The following ATOX1 variants were observed in gnomAD, a reference collection of about 807,000 sequenced individuals.
ATOX1 encodes the protein copper transport protein ATOX1.
ATOX1 carries 4 observed loss-of-function variants against 7.3 expected under a neutral mutation model. That is an observed-to-expected ratio of 0.55 (90% CI 0.27 to 1.25). The LOEUF is 1.25. Among genes scored for constraint, ATOX1 ranks in the 50% most tolerant of loss-of-function variants. The pLI is 0.12. For synonymous variants in ATOX1, 25 were observed against 28.7 expected, an observed-to-expected ratio of 0.87 and a Z score of 0.41; for missense variants, 68 against 81.6, an observed-to-expected ratio of 0.83 and a Z score of 0.64.
chr5:151,754,980 CAAAAAAAAAAA>C (rs79359321), intron 1 of ATOX1, among the ~76,000 whole-genome samples: 9 of 48,880 alleles, frequency 1.8e-4, no homozygotes, highest in East Asian at 5.5e-4. Flanking sequence ...AGACACCGTC[CAAAAAAAAAAA>C]AAAAAAAAAA....
intron 2 of ATOX1, among the ~76,000 whole-genome samples, chr5:151,747,660 C>T (rs1008335857): frequency 1.3e-5 from 2 of 151,864 alleles, no homozygotes; most frequent in South Asian, 4.2e-4. Context: ...AATCTCAGCT[C>T]ATTGTAGCCT....
chr5:151,746,153 G>C, intron 3 of ATOX1, 126 bp downstream of exon 3: 1 of 773,712 alleles, frequency 1.3e-6, no homozygotes, highest in Non-Finnish European at 2.0e-6. Context: ...AAAGAAGGTG[G>C]ACAGTGGATT....
intron 3 of ATOX1, chr5:151,745,556 C>T (rs2113175212): frequency 6.6e-6 from 1 of 152,366 alleles, no homozygotes; most frequent in East Asian, 1.9e-4. Context: ...GTGCCCCTTA[C>T]TGCATCACTG....
At chr5:151,746,152 G>T in intron 3 of ATOX1, 127 bp downstream of exon 3, 1 of 764,730 alleles carries the variant, frequency 1.3e-6, no homozygotes, top group Non-Finnish European at 2.0e-6. Flanking sequence ...CAAAGAAGGT[G>T]GACAGTGGAT....
At chr5:151,753,958 T>C (rs1212523621) in intron 1 of ATOX1, 1 of 152,234 alleles carries the variant, frequency 6.6e-6, no homozygotes, top group Non-Finnish European at 1.5e-5. Flanking sequence ...TGTTTGACCT[T>C]TGTGACTAGT....
At chr5:151,749,294 T>C (rs1329967755) in intron 2 of ATOX1, among the ~76,000 whole-genome samples, 1 of 152,126 alleles carries the variant, frequency 6.6e-6, no homozygotes, top group Non-Finnish European at 1.5e-5. Flanking sequence ...GAGACCAGCC[T>C]GGCCAAGATA....
At chr5:151,748,445 C>G (rs973912825) in intron 2 of ATOX1, among the ~76,000 whole-genome samples, 1 of 152,082 alleles carries the variant, frequency 6.6e-6, no homozygotes, top group African/African-American at 2.4e-5. Context: ...CTTTTAGGGC[C>G]ATAAGCAACT....
chr5:151,758,056 A>G (rs972383638), intron 1 of ATOX1, among the ~76,000 whole-genome samples: 6 of 152,222 alleles, frequency 3.9e-5, no homozygotes, highest in South Asian at 4.1e-4. Flanking sequence ...AAAGTAGGCC[A>G]GAGTGGGCAG....
At chr5:151,747,578 C>A (rs898126098) in intron 2 of ATOX1, among the ~76,000 whole-genome samples, 1 of 150,292 alleles carries the variant, frequency 6.7e-6, no homozygotes, top group Non-Finnish European at 1.5e-5. Flanking sequence ...AGCCACTGCA[C>A]CCGGTCCATT....
chr5:151,747,235 A>G (rs1453109997), intron 2 of ATOX1, among the ~76,000 whole-genome samples: 3 of 152,098 alleles, frequency 2.0e-5, no homozygotes, highest in East Asian at 1.9e-4. Flanking sequence ...GCATCACACT[A>G]TATAAACAGG....
Position 151,746,294 on chromosome 5 carries a change from C to T in ATOX1, c.*31G>A, listed in dbSNP as rs752687422. ...CCTTACCCACCTGCCCCCTTTGGTC[C>T]ATCCTGTGGGCTGTGGGGACCAGGC... On this transcript the variant is annotated 3_prime_UTR_variant, in exon 3 of 4. Transcript: ENST00000313115. 1 of 1,611,020 alleles carries T rather than the reference C, an allele frequency of 6.2e-7. No individual in the cohort carries two copies. The highest frequency in any genetic ancestry group is 8.5e-7 in the Non-Finnish European group (1 of 1,178,830).
chr5:151,753,587 C>T (rs1761977677), intron 1 of ATOX1, among the ~76,000 whole-genome samples: 1 of 152,188 alleles, frequency 6.6e-6, no homozygotes, highest in Admixed American at 6.5e-5. Flanking sequence ...TAGAAAACCA[C>T]AGGCAAAATC....
chr5:151,758,596 G>T lies in ATOX1; in HGVS notation c.-45C>A. 1 of 1,392,726 alleles carries T rather than the reference G, an allele frequency of 7.2e-7. No homozygotes were observed. Among genetic ancestry groups the T allele is most frequent in the Non-Finnish European group, 9.4e-7 (1 of 1,066,416 alleles). 86.3% of individuals were successfully genotyped at this position (1,392,726 alleles called of 1,614,324 possible). ...TGGCGGCGGTGTGGCGGCGGTGTCA[G>T]CAGCGCCTCTCTGGATTCGGAGGGC... On this transcript the variant is annotated 5_prime_UTR_variant, in exon 1 of 4. In the 5' UTR this introduces an upstream ATG that the reference lacks. Coordinates refer to ENST00000313115, the MANE Select transcript of ATOX1 (RefSeq NM_004045.4).
intron 1 of ATOX1, among the ~76,000 whole-genome samples, chr5:151,758,255 C>T (rs1243418438): frequency 2.0e-5 from 3 of 152,248 alleles, no homozygotes; most frequent in African/African-American, 7.2e-5. Flanking sequence ...CCATCCCCTG[C>T]CCCCTCTCTG....
chr5:151,747,714 G>A (rs528254720), intron 2 of ATOX1, among the ~76,000 whole-genome samples: 6 of 152,022 alleles, frequency 3.9e-5, no homozygotes, highest in African/African-American at 7.2e-5. Context: ...CCAGCCTCCC[G>A]AGTGGCTGGG....
rs1193138130 is a variant in ATOX1, at chr5:151,746,371, G to A, written c.161C>T (p.Thr54Ile). The change falls in exon 3 of 4, where the codon ACC (threonine) becomes ATC (isoleucine). Residue 54 changes from threonine to isoleucine, a missense_variant. Thr to Ile is a moderately conservative substitution (Grantham distance 89). Coordinates refer to ENST00000313115, the MANE Select transcript of ATOX1 (RefSeq NM_004045.4). ...AACAGTCTTTCCTGTTTTCTTCAGG[G>A]TTGCAAGCAGAGTGTCCATGCTGTG... Reference protein sequence around the residue: ...SEHSMDTLLATLKKTGKTVSY... With the variant: ...SEHSMDTLLAILKKTGKTVSY... 1.2e-6 allele frequency: 2 copies of A among 1,613,956 alleles called. No homozygotes were observed. Among genetic ancestry groups the A allele is most frequent in the Non-Finnish European group, 1.7e-6 (2 of 1,179,858 alleles).
At chr5:151,746,596 GC>G in intron 2 of ATOX1, 147 bp from the exon 3 acceptor site, 1 of 1,021,214 alleles carries the variant, frequency 9.8e-7, no homozygotes, top group Non-Finnish European at 1.4e-6. Flanking sequence ...TCTGTAACAG[GC>G]CAGAAAGCAA....
intron 1 of ATOX1, among the ~76,000 whole-genome samples, chr5:151,754,612 G>GA (rs899484744): frequency 7.3e-5 from 11 of 149,830 alleles, no homozygotes; most frequent in African/African-American, 2.2e-4. Flanking sequence ...AATTGTTTTG[G>GA]AAAAAAAAAT....
rs1450153861 is a variant in ATOX1, at chr5:151,742,839, G to A, written c.*167C>T. 1 of 152,360 alleles carries A rather than the reference G, an allele frequency of 6.6e-6. No individual in the cohort carries two copies. The highest frequency in any genetic ancestry group is 6.5e-5 in the Admixed American group (1 of 15,284). The allele number at this position is 152,360 out of a possible 1,614,324, so 9.4% of individuals were successfully genotyped here. ...ACAACATCTCCAACAAAAGCAGCTT[G>A]ATTTTATTGCAGGGAAGCTAGGAAG... is the stretch of plus-strand genomic sequence containing the variant. On this transcript the variant is annotated 3_prime_UTR_variant, in exon 4 of 4. Transcript: ENST00000313115.
Sources: allele counts gnomAD v4.1 joint callset (sites outside exome capture counted in the v4.1 genomes callset), GRCh38; gene constraint gnomAD v4.1.1; transcripts MANE v1.5; gene names NCBI Gene and HGNC (gene_info 2026-07-23, HGNC 2026-07-21).